ADAM10: variants seen among roughly 807,000 people sequenced by gnomAD.
ADAM10 encodes ADAM metallopeptidase domain 10.
ADAM10 carries 17 observed loss-of-function variants against 90.1 expected under a neutral mutation model. The observed-to-expected ratio is 0.19, with a 90% CI of 0.13 to 0.28. ADAM10 has a LOEUF of 0.28. ADAM10 is among the 10% of genes least tolerant of loss of function. The probability of loss-of-function intolerance (pLI) is 1.00; values close to 1 mark genes in which losing one functional copy is unlikely to be tolerated. For synonymous variants in ADAM10, 310 were observed against 298.6 expected, an observed-to-expected ratio of 1.04 and a Z score of -0.40; for missense variants, 610 against 914.3, an observed-to-expected ratio of 0.67 and a Z score of 4.29.
chr15:58,644,517 C>T (rs536101240), intron 6 of ADAM10, among the ~76,000 whole-genome samples: 2 of 152,324 alleles, frequency 1.3e-5, no homozygotes, highest in African/African-American at 4.8e-5. Flanking sequence ...GCATGAGCCA[C>T]CACAACTGGC....
At chr15:58,723,882 A>G (rs1466943396) in intron 1 of ADAM10, among the ~76,000 whole-genome samples, 1 of 151,634 alleles carries the variant, frequency 6.6e-6, no homozygotes, top group Non-Finnish European at 1.5e-5. Context: ...GAAGAAAACA[A>G]ACGACATTTG....
At chr15:58,745,339 T>A (rs535518183) in intron 1 of ADAM10, among the ~76,000 whole-genome samples, 2 of 152,342 alleles carry the variant, frequency 1.3e-5, no homozygotes, top group South Asian at 4.1e-4. Flanking sequence ...TTTATGTTTG[T>A]ATCCTATTCT....
chr15:58,725,326 G>A (rs1432600747), intron 1 of ADAM10, among the ~76,000 whole-genome samples: 1 of 148,770 alleles, frequency 6.7e-6, no homozygotes, highest in African/African-American at 2.5e-5. Flanking sequence ...AGGCCAAGAA[G>A]TTCAAGATCA....
intron 1 of ADAM10, among the ~76,000 whole-genome samples, chr15:58,727,226 C>G (rs535572628): frequency 7.2e-5 from 9 of 125,246 alleles, no homozygotes; most frequent in African/African-American, 2.9e-4. Flanking sequence ...GCGTTTCGCT[C>G]GTTGCCCAGG....
At chr15:58,645,482 T>C (rs1193016460) in intron 6 of ADAM10, among the ~76,000 whole-genome samples, 3 of 152,190 alleles carry the variant, frequency 2.0e-5, no homozygotes, top group Non-Finnish European at 1.5e-5. Flanking sequence ...CTTTTATACA[T>C]GTTTAAAAGG....
chr15:58,699,607 T>TA (rs1384507659), intron 2 of ADAM10, among the ~76,000 whole-genome samples: 2 of 151,860 alleles, frequency 1.3e-5, no homozygotes. Flanking sequence ...ACCCTATCTC[T>TA]ACAAAAAATT....
chr15:58,735,707 C>A (rs1218982236), intron 1 of ADAM10, among the ~76,000 whole-genome samples: 2 of 152,042 alleles, frequency 1.3e-5, no homozygotes, highest in Non-Finnish European at 2.9e-5. Context: ...TGGTTTAATC[C>A]ATGAATACAA....
chr15:58,615,879 A>C (rs1895594883), intron 11 of ADAM10, among the ~76,000 whole-genome samples: 1 of 151,940 alleles, frequency 6.6e-6, no homozygotes, highest in South Asian at 2.1e-4. Flanking sequence ...ATGGTGGTAC[A>C]TGCCTGTAGT....
intron 10 of ADAM10, among the ~76,000 whole-genome samples, chr15:58,626,391 G>A (rs1250181175): frequency 1.3e-5 from 2 of 152,020 alleles, no homozygotes; most frequent in Non-Finnish European, 2.9e-5. Context: ...TTTCTCCTTT[G>A]CTGTCACATG....
chr15:58,640,557 C>T (rs777459776), intron 8 of ADAM10, among the ~76,000 whole-genome samples: 3 of 152,230 alleles, frequency 2.0e-5, no homozygotes, highest in Non-Finnish European at 2.9e-5. Flanking sequence ...ATTCAAATGT[C>T]AGGAATCAGG....
chr15:58,672,740 G>C (rs1306825151), intron 4 of ADAM10: 1 of 109,466 alleles, frequency 9.1e-6, no homozygotes, highest in East Asian at 3.0e-4. Flanking sequence ...GAAAAACTAA[G>C]AAATGGATAT....
chr15:58,738,529 GT>G (rs1266089180), intron 1 of ADAM10, among the ~76,000 whole-genome samples: 1 of 152,178 alleles, frequency 6.6e-6, no homozygotes, highest in African/African-American at 2.4e-5. Flanking sequence ...ACAAGTTAAA[GT>G]TCAAGATAGG....
chr15:58,707,082 G>T (rs1567005428), intron 2 of ADAM10, among the ~76,000 whole-genome samples: 1 of 46,748 alleles, frequency 2.1e-5, no homozygotes, highest in South Asian at 8.0e-4. Context: ...TATAAACTTT[G>T]GGGGGGGGAA....
Position 58,708,784 on chromosome 15 carries a change from G to C in ADAM10, c.206+8793C>G, listed in dbSNP as rs1311205300. On this transcript the variant is annotated intron_variant, in intron 2 of 15. Transcript: ENST00000260408. ...TTGTTGGTTCAATATAGACTATTTT[G>C]GAAACTTACTAGTGCAAAGTGATTA... Among the ~76,000 whole-genome samples, 6 of 152,030 alleles carry C rather than the reference G, an allele frequency of 3.9e-5. No individual in the cohort carries two copies. The East Asian group carries it at 1.2e-3, about 29-fold the overall frequency.
At chr15:58,739,715 G>T (rs557611221) in intron 1 of ADAM10, among the ~76,000 whole-genome samples, 22 of 152,250 alleles carry the variant, frequency 1.4e-4, no homozygotes, top group African/African-American at 4.8e-4. Flanking sequence ...ACATTTGAGG[G>T]TTCTGATAAT....
At chr15:58,726,738 A>G (rs1229795918) in intron 1 of ADAM10, among the ~76,000 whole-genome samples, 2 of 151,484 alleles carry the variant, frequency 1.3e-5, no homozygotes, top group Admixed American at 1.3e-4. Flanking sequence ...ATTAGTGTGC[A>G]CCTGTGGTCC....
At chr15:58,615,276 G>GAA (rs35628107) in intron 11 of ADAM10, among the ~76,000 whole-genome samples, 1,003 of 84,784 alleles carry the variant, frequency 0.012, 10 homozygotes, top group Non-Finnish European at 0.019. Flanking sequence ...TCCGTCTGAA[G>GAA]AAAAAAAAAA....
At chr15:58,607,074 T>C (rs1266643061) in intron 14 of ADAM10, among the ~76,000 whole-genome samples, 1 of 152,280 alleles carries the variant, frequency 6.6e-6, no homozygotes, top group African/African-American at 2.4e-5. Context: ...TTTTCAATCA[T>C]TTAAAAATGT....
intron 11 of ADAM10, among the ~76,000 whole-genome samples, chr15:58,613,666 TAGAC>T (rs147205016): frequency 0.013 from 1,998 of 152,020 alleles, 54 homozygotes; most frequent in African/African-American, 0.045. Flanking sequence ...AAATATATAA[TAGAC>T]AGCTTCAACA....
Sources: gnomAD v4.1 joint callset for allele counts (sites outside exome capture counted in the v4.1 genomes callset) on GRCh38, gnomAD v4.1.1 for gene constraint, MANE v1.5 for transcripts, NCBI Gene and HGNC (gene_info 2026-07-23, HGNC 2026-07-21) for gene names.